Variants in PCDHGB2 observed in about 807,000 individuals in gnomAD.
The protein encoded by PCDHGB2 is protocadherin gamma-B2.
In PCDHGB2, 55 loss-of-function variants were observed where a neutral mutation model predicts 59.3. The ratio of observed to expected loss-of-function variants is 0.93; its 90% CI spans 0.75 to 1.16. PCDHGB2 has a LOEUF of 1.16. PCDHGB2 is among the 50% of genes most tolerant of loss of function. The pLI, the probability that PCDHGB2 is intolerant of heterozygous loss-of-function variation, is 0.00. For missense variants in PCDHGB2, 1,228 were observed against 1,198.5 expected (o/e 1.02, Z -0.36); for synonymous variants, 516 against 512.0 (o/e 1.01, Z -0.11).
Position 141,489,407 on chromosome 5 carries a change from T to C in PCDHGB2, c.2422-5400T>C. On this transcript the variant is annotated intron_variant, in intron 1 of 3. Transcript: ENST00000522605. This position sits in a 1 kb window ranked among gnomAD's most constrained non-coding sequence, Gnocchi z 4.5. ...GTTGCTCAGGATCTGGGCTTAAAGA[T>C]GACAGATCTGTTGAGCCGGCGGCTG... 6.2e-7 allele frequency: 1 copy of C among 1,614,140 alleles called. No individual in the cohort carries two copies.
chr5:141,468,680 C>T (rs1176643092), intron 1 of PCDHGB2: 1 of 151,074 alleles, frequency 6.6e-6, no homozygotes, highest in Non-Finnish European at 1.5e-5. Flanking sequence ...TCCTGGCTAA[C>T]ACGGTGAAAC....
chr5:141,503,894 T>C (rs898125492), intron 2 of PCDHGB2, among the ~76,000 whole-genome samples: 2 of 152,144 alleles, frequency 1.3e-5, no homozygotes, highest in African/African-American at 4.8e-5. Flanking sequence ...CATGACAAAA[T>C]ATGCACACAC....
At chr5:141,447,209 G>A (rs1004956165) in intron 1 of PCDHGB2, among the ~76,000 whole-genome samples, 3 of 151,850 alleles carry the variant, frequency 2.0e-5, no homozygotes, top group East Asian at 3.9e-4. Context: ...GCTTGATCTC[G>A]GCTCACTGCA....
intron 1 of PCDHGB2, among the ~76,000 whole-genome samples, chr5:141,464,151 G>A (rs2099076865): frequency 6.6e-6 from 1 of 151,818 alleles, no homozygotes; most frequent in Non-Finnish European, 1.5e-5. Flanking sequence ...TGTAGTCCCA[G>A]CTACTTGGAA....
chr5:141,388,886 A>G (rs542218864), intron 1 of PCDHGB2: 1 of 1,613,988 alleles, frequency 6.2e-7, no homozygotes, highest in Non-Finnish European at 8.5e-7. Flanking sequence ...TGGAGGTAGA[A>G]GTCATAGATG....
Position 141,486,484 on chromosome 5 carries a change from C to A in PCDHGB2, c.2422-8323C>A. On this transcript the variant is annotated intron_variant, in intron 1 of 3. Transcript: ENST00000522605. This position sits in a 1 kb window ranked among gnomAD's most constrained non-coding sequence, Gnocchi z 5.0. ...ATGCTGGGAACCCTCCTCTCAGTAC[C>A]CACAGAACTATTTTCCTCAATATTT... is the stretch of plus-strand genomic sequence containing the variant. 5 of 1,614,102 alleles carry A rather than the reference C, an allele frequency of 3.1e-6. No homozygotes were observed. Among genetic ancestry groups the A allele is most frequent in the Non-Finnish European group, 4.2e-6 (5 of 1,179,930 alleles).
At chr5:141,366,180 T>C in intron 1 of PCDHGB2, 1 of 1,613,950 alleles carries the variant, frequency 6.2e-7, no homozygotes, top group Non-Finnish European at 8.5e-7. Flanking sequence ...CCAGGACTCT[T>C]TGCGGTTGGG....
chr5:141,424,776 A>G (rs1406581367), intron 1 of PCDHGB2: 2 of 152,154 alleles, frequency 1.3e-5, no homozygotes, highest in African/African-American at 4.8e-5. Context: ...CAAATAGTAC[A>G]TTCAGTTCTT....
At chr5:141,433,560 G>A (rs1276743163) in intron 1 of PCDHGB2, among the ~76,000 whole-genome samples, 1 of 152,110 alleles carries the variant, frequency 6.6e-6, no homozygotes, top group East Asian at 1.9e-4. Flanking sequence ...TTCTGGCTGG[G>A]CGCGGTGGCT....
intron 1 of PCDHGB2, chr5:141,408,916 C>T (rs1379557230): frequency 6.8e-6 from 11 of 1,613,024 alleles, no homozygotes; most frequent in African/African-American, 2.7e-5. Flanking sequence ...CCAATGATAA[C>T]CCCCCGGTTT....
At chr5:141,415,447 T>C in intron 1 of PCDHGB2, 1 of 1,614,200 alleles carries the variant, frequency 6.2e-7, no homozygotes, top group South Asian at 1.1e-5. Context: ...GCAGACCTAT[T>C]CCCACGAGGT....
intron 1 of PCDHGB2, among the ~76,000 whole-genome samples, chr5:141,465,348 A>C (rs886810999): frequency 6.6e-6 from 1 of 152,158 alleles, no homozygotes; most frequent in African/African-American, 2.4e-5. Context: ...GTTACTGAAG[A>C]AAAAATGGGT....
Position 141,489,323 on chromosome 5 carries a change from C to T in PCDHGB2, c.2422-5484C>T, listed in dbSNP as rs746520513. 1 of 1,601,632 alleles carries T rather than the reference C, an allele frequency of 6.2e-7. No individual in the cohort carries two copies. Among genetic ancestry groups the T allele is most frequent in the Non-Finnish European group, 8.5e-7 (1 of 1,172,950 alleles). ...TCCTTGTGCTGCTGGGGCTGGGTGT[C>T]TGGGCAGCTTCGTTACTCAGTGGTG... On this transcript the variant is annotated intron_variant, in intron 1 of 3. Coordinates refer to ENST00000522605, the MANE Select transcript of PCDHGB2 (RefSeq NM_018923.3). The surrounding 1 kb of genome is among the most constrained non-coding windows in gnomAD (Gnocchi z 4.5).
Position 141,362,275 on chromosome 5 carries a change from C to A in PCDHGB2, c.2140C>A (p.Arg714Ser), listed in dbSNP as rs757133043. Reference sequence around the variant, plus strand: ...CGCGGTGATTCTGGCAATCTCCCTGCGCCTGCGACTCTCTTCCAGGTCAGA... The same window carrying A: ...CGCGGTGATTCTGGCAATCTCCCTGAGCCTGCGACTCTCTTCCAGGTCAGA... ...FLAVILAISL[R>S]LRLSSRSDAW... The change falls in exon 1 of 4, where the codon CGC becomes AGC. Residue 714 changes from arginine (R) to serine (S), a missense_variant. By Grantham distance (110) the Arg-to-Ser change is moderately radical. This residue lies in a region of PCDHGB2 where 433 missense variants were observed against 441.8 expected (regional missense o/e 0.98). Transcript: ENST00000522605. The A allele has an allele frequency of 1.9e-6, 3 of 1,613,924 alleles. No individual in the cohort carries two copies. Among genetic ancestry groups the A allele is most frequent in the African/African-American group, 1.3e-5 (1 of 74,934 alleles).
At chr5:141,370,208 G>T (rs1418210186) in intron 1 of PCDHGB2, 3 of 550,220 alleles carry the variant, frequency 5.5e-6, no homozygotes, top group African/African-American at 1.9e-5. Flanking sequence ...CAAAATATTG[G>T]CTCCTCCCGC....
chr5:141,372,757 T>G, intron 1 of PCDHGB2: 1 of 1,613,122 alleles, frequency 6.2e-7, no homozygotes, highest in Non-Finnish European at 8.5e-7. Context: ...GCCTCTTGGT[T>G]TGAAAGTAAT....
rs1331251272 is a variant in PCDHGB2 at position 141,394,996 on chromosome 5, C to G, written c.2421+32440C>G. The G allele has an allele frequency of 3.1e-6, 5 of 1,614,034 alleles. No individual in the cohort carries two copies. In the South Asian group the frequency reaches 5.5e-5, roughly 18 times the overall value. On this transcript the variant is annotated intron_variant, in intron 1 of 3. Coordinates refer to ENST00000522605, the MANE Select transcript of PCDHGB2 (RefSeq NM_018923.3). ...CACAAGTCACGCCTGCTCCAGGATTCCGGTGGCAGATTGGTAGGCGTGCCT... is the reference window on the plus strand; with the variant it reads ...CACAAGTCACGCCTGCTCCAGGATTGCGGTGGCAGATTGGTAGGCGTGCCT...
rs763743728 is a variant in PCDHGB2, at chr5:141,398,890, G to C, written c.2421+36334G>C. On this transcript the variant is annotated intron_variant, in intron 1 of 3. Coordinates refer to ENST00000522605, the MANE Select transcript of PCDHGB2 (RefSeq NM_018923.3). ...GTACAGAGTCAGCCTTCGGGAAAAC[G>C]TGCCACCAGGCACCACTGTGTTGCA... is the stretch of plus-strand genomic sequence containing the variant. 2.5e-6 allele frequency: 4 copies of C among 1,613,920 alleles called. No homozygotes were observed. The South Asian group carries it at 3.3e-5, about 13-fold the overall frequency.
intron 1 of PCDHGB2, among the ~76,000 whole-genome samples, chr5:141,450,485 T>A (rs1382219564): frequency 6.6e-6 from 1 of 152,160 alleles, no homozygotes; most frequent in Non-Finnish European, 1.5e-5. Flanking sequence ...GTTTGTTTGT[T>A]TGTCTGTTTG....
Sources: allele counts gnomAD v4.1 joint callset (sites outside exome capture counted in the v4.1 genomes callset), GRCh38; gene constraint gnomAD v4.1.1; regional missense constraint gnomAD v4.1.1; non-coding constraint Gnocchi (gnomAD v3.1); transcripts MANE v1.5; gene names NCBI Gene and HGNC (gene_info 2026-07-23, HGNC 2026-07-21).